LRRTM4: variants seen among roughly 807,000 people sequenced by gnomAD.
LRRTM4 encodes leucine rich repeat transmembrane neuronal 4.
Under a neutral mutation model 47.6 loss-of-function variants are expected in LRRTM4, and 25 were observed. That is an observed-to-expected ratio of 0.53 (90% CI 0.38 to 0.73). LRRTM4 has a LOEUF of 0.73. LRRTM4 is among the 30% of genes least tolerant of loss of function. The probability of loss-of-function intolerance (pLI) is 0.00; values close to 1 mark genes in which losing one functional copy is unlikely to be tolerated. For synonymous variants in LRRTM4, 311 were observed against 269.5 expected (o/e 1.15, Z -1.51); for missense variants, 638 against 713.4 (o/e 0.89, Z 1.20).
At chr2:76,877,335 A>T (rs952483998) in intron 3 of LRRTM4, among the ~76,000 whole-genome samples, 1 of 152,074 alleles carries the variant, frequency 6.6e-6, no homozygotes, top group Non-Finnish European at 1.5e-5. Flanking sequence ...TTTAAAAACA[A>T]TTAGTCCACT....
chr2:76,988,233 G>C (rs781045172), intron 3 of LRRTM4, among the ~76,000 whole-genome samples: 5 of 151,814 alleles, frequency 3.3e-5, no homozygotes, highest in Middle Eastern at 3.4e-3. Flanking sequence ...AATTTTAACA[G>C]GTAAAGGCTC....
chr2:77,137,217 G>A lies in LRRTM4; in HGVS notation c.1551+381101C>T, dbSNP rs984681987. 1.8e-4 allele frequency among the ~76,000 whole-genome samples: 27 copies of A among 151,982 alleles called. 2 individuals are homozygous for A. Among genetic ancestry groups the A allele is most frequent in the African/African-American group, 6.5e-4 (27 of 41,292 alleles). On this transcript the variant is annotated intron_variant, in intron 3 of 3. Coordinates refer to ENST00000409884, the MANE Select transcript of LRRTM4 (RefSeq NM_001134745.3). ...AATGAAGGAAAAAATGTTAAGGGCA[G>A]CCAGAAAGAAAGCTTGGGTTATCCA...
At chr2:77,492,812 T>C (rs1176637379) in intron 3 of LRRTM4, among the ~76,000 whole-genome samples, 1 of 152,096 alleles carries the variant, frequency 6.6e-6, no homozygotes, top group African/African-American at 2.4e-5. Flanking sequence ...ATGTGAATAT[T>C]ATCATTAGGA....
chr2:77,422,487 A>C (rs1674940093), intron 3 of LRRTM4, among the ~76,000 whole-genome samples: 1 of 152,210 alleles, frequency 6.6e-6, no homozygotes, highest in Non-Finnish European at 1.5e-5. Context: ...TTTTTTCAAG[A>C]AGTAAATTGC....
At chr2:77,248,523 CT>C (rs1422502476) in intron 3 of LRRTM4, among the ~76,000 whole-genome samples, 1 of 151,870 alleles carries the variant, frequency 6.6e-6, no homozygotes. Context: ...AGAAGCTTAT[CT>C]TGTAGATATA....
intron 3 of LRRTM4, among the ~76,000 whole-genome samples, chr2:77,346,141 G>A (rs1278472471): frequency 6.6e-6 from 1 of 151,984 alleles, no homozygotes; most frequent in Admixed American, 6.6e-5. Flanking sequence ...CCGTTATATG[G>A]CATTCTGGGA....
At chr2:77,206,566 C>T (rs1366781940) in intron 3 of LRRTM4, among the ~76,000 whole-genome samples, 2 of 151,968 alleles carry the variant, frequency 1.3e-5, no homozygotes, top group Non-Finnish European at 2.9e-5. Flanking sequence ...CTCACTATAA[C>T]CTCCGCCTCC....
intron 3 of LRRTM4, among the ~76,000 whole-genome samples, chr2:76,767,411 G>A (rs1415139964): frequency 6.6e-6 from 1 of 152,100 alleles, no homozygotes; most frequent in Non-Finnish European, 1.5e-5. Flanking sequence ...TATAATTCGG[G>A]TAGTAATAGG....
chr2:77,432,343 G>A (rs994357431), intron 3 of LRRTM4, among the ~76,000 whole-genome samples: 15 of 152,108 alleles, frequency 9.9e-5, no homozygotes, highest in African/African-American at 1.7e-4. Flanking sequence ...CTGTTACATC[G>A]TCGATTAGCT....
chr2:77,249,775 A>C (rs1182335843), intron 3 of LRRTM4, among the ~76,000 whole-genome samples: 1 of 152,208 alleles, frequency 6.6e-6, no homozygotes, highest in African/African-American at 2.4e-5. Context: ...TTACAAAGCT[A>C]ACATACTTTT....
At chr2:77,447,545 C>T (rs1381856488) in intron 3 of LRRTM4, among the ~76,000 whole-genome samples, 2 of 152,144 alleles carry the variant, frequency 1.3e-5, no homozygotes, top group East Asian at 3.9e-4. Flanking sequence ...CCTTCTGTCA[C>T]TTTATAATAA....
chr2:77,196,600 C>T (rs938258463), intron 3 of LRRTM4, among the ~76,000 whole-genome samples: 11 of 152,016 alleles, frequency 7.2e-5, no homozygotes, highest in African/African-American at 2.4e-4. Flanking sequence ...AAAAATTAGC[C>T]GGGTATGGTA....
chr2:76,895,825 A>T (rs537923282), intron 3 of LRRTM4, among the ~76,000 whole-genome samples: 45 of 152,212 alleles, frequency 3.0e-4, no homozygotes, highest in African/African-American at 1.0e-3. Flanking sequence ...GGAGGGTGGT[A>T]ACACAACCCC....
intron 3 of LRRTM4, among the ~76,000 whole-genome samples, chr2:77,386,820 G>A (rs751116171): frequency 5.3e-5 from 8 of 152,026 alleles, no homozygotes; most frequent in Non-Finnish European, 8.8e-5. Flanking sequence ...AGAGCATTAG[G>A]ACAAATACCT....
At chr2:77,015,828 A>G (rs1159397823) in intron 3 of LRRTM4, among the ~76,000 whole-genome samples, 1 of 152,066 alleles carries the variant, frequency 6.6e-6, no homozygotes, top group East Asian at 1.9e-4. Context: ...TCTGGAGGAT[A>G]AGAGAACAGC....
intron 3 of LRRTM4, among the ~76,000 whole-genome samples, chr2:77,170,502 T>A (rs1039886593): frequency 2.6e-5 from 4 of 152,194 alleles, no homozygotes; most frequent in African/African-American, 9.6e-5. Flanking sequence ...TAGAGAAACC[T>A]GGGTGAGACT....
At chr2:77,116,754 C>T (rs1489945485) in intron 3 of LRRTM4, among the ~76,000 whole-genome samples, 1 of 151,972 alleles carries the variant, frequency 6.6e-6, no homozygotes, top group Non-Finnish European at 1.5e-5. Flanking sequence ...TCTTTCTACT[C>T]CCCCATACAC....
At chr2:77,026,861 A>G (rs1183844104) in intron 3 of LRRTM4, among the ~76,000 whole-genome samples, 4 of 152,160 alleles carry the variant, frequency 2.6e-5, no homozygotes, top group African/African-American at 7.2e-5. Flanking sequence ...CATAATGCAA[A>G]TAAGTATTAA....
At chr2:76,925,641 A>C (rs1674566081) in intron 3 of LRRTM4, among the ~76,000 whole-genome samples, 1 of 152,080 alleles carries the variant, frequency 6.6e-6, no homozygotes, top group Non-Finnish European at 1.5e-5. Context: ...TTTCTTAACC[A>C]TTCACTCTGT....
Sources: gnomAD v4.1 joint callset for allele counts (sites outside exome capture counted in the v4.1 genomes callset) on GRCh38, gnomAD v4.1.1 for gene constraint, MANE v1.5 for transcripts, NCBI Gene and HGNC (gene_info 2026-07-23, HGNC 2026-07-21) for gene names.